Variants in IPO11 observed in about 807,000 individuals in gnomAD.
IPO11 encodes importin 11, also known as importin-11.
In IPO11, 66 loss-of-function variants were observed where a neutral mutation model predicts 143.2. The ratio of observed to expected loss-of-function variants is 0.46; its 90% CI spans 0.38 to 0.57. The LOEUF (loss-of-function observed/expected upper bound fraction) is 0.57. IPO11 is among the 20% of genes least tolerant of loss of function. The probability of loss-of-function intolerance (pLI) is 0.00; values close to 1 mark genes in which losing one functional copy is unlikely to be tolerated. For missense variants in IPO11, 1,026 were observed against 1,141.0 expected (o/e 0.90, Z 1.45); for synonymous variants, 385 against 377.8 (o/e 1.02, Z -0.22).
intron 24 of IPO11, among the ~76,000 whole-genome samples, chr5:62,546,192 C>G (rs1252326648): frequency 6.6e-6 from 1 of 152,138 alleles, no homozygotes; most frequent in Non-Finnish European, 1.5e-5. Context: ...AGACTTGGAA[C>G]CAACCCAAAT....
intron 27 of IPO11, among the ~76,000 whole-genome samples, chr5:62,570,715 G>A (rs1225542455): frequency 1.3e-5 from 2 of 152,166 alleles, no homozygotes; most frequent in East Asian, 3.9e-4. Context: ...TCATATCTAG[G>A]AACAGTGCCC....
chr5:62,568,393 G>A (rs1359311727), intron 27 of IPO11, among the ~76,000 whole-genome samples: 1 of 150,516 alleles, frequency 6.6e-6, no homozygotes, highest in African/African-American at 2.4e-5. Flanking sequence ...TAGTATTTCC[G>A]TTTGATTTTT....
intron 27 of IPO11, among the ~76,000 whole-genome samples, chr5:62,574,270 T>C (rs1744239763): frequency 6.6e-6 from 1 of 152,206 alleles, no homozygotes; most frequent in African/African-American, 2.4e-5. Flanking sequence ...CCTTATTAAA[T>C]CATCTGTTAG....
At chr5:62,552,023 C>G (rs530126242) in intron 26 of IPO11, among the ~76,000 whole-genome samples, 1 of 152,184 alleles carries the variant, frequency 6.6e-6, no homozygotes, top group East Asian at 1.9e-4. Context: ...ACTTGGGAGG[C>G]TGAGGCAGGA....
intron 24 of IPO11, among the ~76,000 whole-genome samples, chr5:62,545,806 T>C (rs1383090714): frequency 6.6e-6 from 1 of 152,174 alleles, no homozygotes; most frequent in Non-Finnish European, 1.5e-5. Flanking sequence ...CAGACACTTC[T>C]CAAAAGAAGA....
intron 5 of IPO11, among the ~76,000 whole-genome samples, chr5:62,464,467 C>G (rs1307459644): frequency 6.6e-6 from 1 of 151,186 alleles, no homozygotes; most frequent in African/African-American, 2.4e-5. Flanking sequence ...TTGTTTTCTT[C>G]GTTTTTTTTT....
Position 62,510,132 on chromosome 5 carries a change from CTTGCATT to C in IPO11, c.1782+3777_1782+3783del, listed in dbSNP as rs377238822. Among the ~76,000 whole-genome samples the C allele has an allele frequency of 8.1e-4, 123 of 152,244 alleles. 1 individual carries two copies. The highest frequency in any genetic ancestry group is 2.7e-3 in the African/African-American group (113 of 41,556). On this transcript the variant is annotated intron_variant, in intron 19 of 29. Coordinates refer to ENST00000325324, the MANE Select transcript of IPO11 (RefSeq NM_016338.5). ...GGTGATATCTCATTGTGGTTTTTGACTTGCATTTCCCTAATGACTGCAAAAACTTTCT... is the reference window on the plus strand; with the variant it reads ...GGTGATATCTCATTGTGGTTTTTGACTCCCTAATGACTGCAAAAACTTTCT...
intron 29 of IPO11, among the ~76,000 whole-genome samples, chr5:62,623,964 A>G (rs1481877577): frequency 6.6e-6 from 1 of 151,384 alleles, no homozygotes; most frequent in African/African-American, 2.4e-5. Flanking sequence ...CAAAGGATGG[A>G]TTGTTCATGA....
intron 29 of IPO11, among the ~76,000 whole-genome samples, chr5:62,624,781 G>T (rs766639417): frequency 6.6e-6 from 1 of 151,996 alleles, no homozygotes; most frequent in African/African-American, 2.4e-5. Context: ...TCAGGAGATC[G>T]AGATCATCCT....
chr5:62,586,887 C>T (rs1744815607), intron 27 of IPO11, among the ~76,000 whole-genome samples: 1 of 147,380 alleles, frequency 6.8e-6, no homozygotes, highest in African/African-American at 2.5e-5. Flanking sequence ...ATTACCAATT[C>T]TCTGATAAAT....
intron 6 of IPO11, among the ~76,000 whole-genome samples, chr5:62,468,330 G>A (rs562397969): frequency 6.6e-6 from 1 of 152,260 alleles, no homozygotes; most frequent in Admixed American, 6.5e-5. Context: ...TGGTACCTTG[G>A]AATCCCATCA....
chr5:62,623,891 G>A (rs1352359632), intron 29 of IPO11, among the ~76,000 whole-genome samples: 2 of 152,074 alleles, frequency 1.3e-5, no homozygotes, highest in Non-Finnish European at 2.9e-5. Context: ...CCAAAGTGCA[G>A]GGATTACAGG....
chr5:62,572,729 G>A (rs1355804576), intron 27 of IPO11, among the ~76,000 whole-genome samples: 2 of 151,700 alleles, frequency 1.3e-5, no homozygotes, highest in Non-Finnish European at 2.9e-5. Flanking sequence ...CTACAGGATT[G>A]CGCTACCACA....
At chr5:62,443,619 A>C (rs1393504237) in intron 3 of IPO11, among the ~76,000 whole-genome samples, 1 of 151,590 alleles carries the variant, frequency 6.6e-6, no homozygotes, top group Non-Finnish European at 1.5e-5. Context: ...AGAGAAATAT[A>C]AGGTTAGGAT....
chr5:62,475,448 C>G (rs2112208296), intron 8 of IPO11, among the ~76,000 whole-genome samples: 1 of 152,234 alleles, frequency 6.6e-6, no homozygotes, highest in South Asian at 2.1e-4. Context: ...GAGGTTGAGG[C>G]TGCAGTGAGC....
At chr5:62,482,018 G>A (rs1271888080) in intron 9 of IPO11, among the ~76,000 whole-genome samples, 2 of 152,168 alleles carry the variant, frequency 1.3e-5, no homozygotes, top group Non-Finnish European at 2.9e-5. Flanking sequence ...TTAGTCTTGG[G>A]AGGGTGTATG....
intron 22 of IPO11, among the ~76,000 whole-genome samples, chr5:62,533,363 C>T (rs1373037925): frequency 2.0e-5 from 3 of 151,880 alleles, no homozygotes; most frequent in Non-Finnish European, 4.4e-5. Flanking sequence ...AGGTATGCAC[C>T]ACTGCCCCAG....
chr5:62,571,866 A>G (rs527267177), intron 27 of IPO11, among the ~76,000 whole-genome samples: 1 of 152,114 alleles, frequency 6.6e-6, no homozygotes, highest in African/African-American at 2.4e-5. Context: ...TTGTATTTTT[A>G]GTAGAGATAG....
chr5:62,502,088 T>C (rs903047888), intron 16 of IPO11, among the ~76,000 whole-genome samples: 3 of 152,250 alleles, frequency 2.0e-5, no homozygotes, highest in Non-Finnish European at 4.4e-5. Flanking sequence ...CTTACCTTTG[T>C]AGCAGTATTT....
Sources: allele counts gnomAD v4.1 joint callset (sites outside exome capture counted in the v4.1 genomes callset), GRCh38; gene constraint gnomAD v4.1.1; transcripts MANE v1.5; gene names NCBI Gene and HGNC (gene_info 2026-07-23, HGNC 2026-07-21).